TBC1D22A: variants seen among roughly 807,000 people sequenced by gnomAD.
TBC1D22A encodes the protein TBC1 domain family member 22A, also known as putative GTPase activator.
A neutral mutation model predicts 60.2 loss-of-function variants in TBC1D22A; 38 were observed. The ratio of observed to expected loss-of-function variants is 0.63; its 90% CI spans 0.49 to 0.83. The LOEUF is 0.83. TBC1D22A is among the 40% of genes least tolerant of loss of function. The pLI is 0.00. For missense variants in TBC1D22A, 628 were observed against 701.0 expected (o/e 0.90, Z 1.18); for synonymous variants, 302 against 281.7 (o/e 1.07, Z -0.72).
intron 11 of TBC1D22A, among the ~76,000 whole-genome samples, chr22:47,108,757 T>G (rs568997673): frequency 7.4e-4 from 112 of 152,312 alleles, no homozygotes; most frequent in African/African-American, 2.6e-3. Context: ...GTGCAGTGGC[T>G]CGATCTCGGC....
intron 4 of TBC1D22A, among the ~76,000 whole-genome samples, chr22:46,825,986 C>T (rs1156893711): frequency 6.6e-6 from 1 of 150,842 alleles, no homozygotes; most frequent in Non-Finnish European, 1.5e-5. Context: ...GGGTTCACGC[C>T]ATTCTCCTGC....
intron 9 of TBC1D22A, among the ~76,000 whole-genome samples, chr22:46,976,218 A>G (rs1042015494): frequency 6.6e-6 from 1 of 152,038 alleles, no homozygotes; most frequent in Non-Finnish European, 1.5e-5. Context: ...TGGCTTTTTC[A>G]TTTTTCACCT....
At chr22:46,898,546 C>A (rs1447677931) in intron 7 of TBC1D22A, among the ~76,000 whole-genome samples, 2 of 151,240 alleles carry the variant, frequency 1.3e-5, no homozygotes, top group African/African-American at 4.9e-5. Flanking sequence ...TTTTTTTTAA[C>A]CTAAAACGAC....
chr22:47,099,887 T>C (rs1216649482), intron 11 of TBC1D22A, among the ~76,000 whole-genome samples: 1 of 152,012 alleles, frequency 6.6e-6, no homozygotes, highest in African/African-American at 2.4e-5. Flanking sequence ...TAGAGAGAGG[T>C]GCAACGTGCT....
At chr22:47,027,801 C>G (rs1191548186) in intron 10 of TBC1D22A, among the ~76,000 whole-genome samples, 1 of 152,152 alleles carries the variant, frequency 6.6e-6, no homozygotes, top group African/African-American at 2.4e-5. Context: ...AATAAAAAGA[C>G]AAGCTAAAGA....
At chr22:47,044,842 A>G (rs1280494766) in intron 11 of TBC1D22A, among the ~76,000 whole-genome samples, 1 of 152,170 alleles carries the variant, frequency 6.6e-6, no homozygotes, top group Non-Finnish European at 1.5e-5. Flanking sequence ...GTCCTTAGCG[A>G]CTTTAAGCTT....
At chr22:47,002,855 C>T (rs2061444721) in intron 10 of TBC1D22A, among the ~76,000 whole-genome samples, 1 of 152,150 alleles carries the variant, frequency 6.6e-6, no homozygotes, top group Non-Finnish European at 1.5e-5. Flanking sequence ...CTGGCAAAAC[C>T]TGATAGTTGC....
chr22:47,110,837 G>A (rs184104400), intron 11 of TBC1D22A, among the ~76,000 whole-genome samples: 115 of 152,336 alleles, frequency 7.5e-4, no homozygotes, highest in African/African-American at 2.7e-3. Flanking sequence ...CCCGAGCCTC[G>A]GTGTGGGAGG....
chr22:47,142,042 C>T (rs2067105316), intron 12 of TBC1D22A, among the ~76,000 whole-genome samples: 1 of 152,138 alleles, frequency 6.6e-6, no homozygotes, highest in African/African-American at 2.4e-5. Context: ...AGAATTCTTC[C>T]CACATCTGCC....
intron 12 of TBC1D22A, among the ~76,000 whole-genome samples, chr22:47,114,274 C>T (rs12158842): frequency 6.7e-6 from 1 of 150,310 alleles, no homozygotes; most frequent in African/African-American, 2.5e-5. Context: ...GTGTGGGGTG[C>T]AGGGTGTGGG....
At chr22:47,158,252 G>A (rs909270748) in intron 12 of TBC1D22A, among the ~76,000 whole-genome samples, 1 of 152,212 alleles carries the variant, frequency 6.6e-6, no homozygotes, top group Non-Finnish European at 1.5e-5. Context: ...AGCAGGATCA[G>A]CTCTACGTGA....
chr22:47,069,593 C>T (rs1211404749), intron 11 of TBC1D22A, among the ~76,000 whole-genome samples: 6 of 151,956 alleles, frequency 3.9e-5, no homozygotes, highest in Admixed American at 2.0e-4. Context: ...GCTGACCTGA[C>T]GGTTCCAGGC....
chr22:47,051,657 C>G (rs1044706959), intron 11 of TBC1D22A, among the ~76,000 whole-genome samples: 1 of 152,204 alleles, frequency 6.6e-6, no homozygotes, highest in Non-Finnish European at 1.5e-5. Flanking sequence ...GGAGGAGACC[C>G]TCTGTGGCAG....
In TBC1D22A at chr22:47,062,087, C is replaced by CAAAAAAAAAA. The variant is rs908701365; in HGVS notation, c.1329+24901_1329+24910dup. ...TGGGCGACAGAGCAAGACTCCATCT[C>CAAAAAAAAAA]AAAAAAAAAAAAAAAAAAAAAGACA... On this transcript the variant is annotated intron_variant, in intron 11 of 12. Coordinates refer to ENST00000337137, the MANE Select transcript of TBC1D22A (RefSeq NM_014346.5). Among the ~76,000 whole-genome samples, 141 of 62,942 alleles carry CAAAAAAAAAA rather than the reference C, an allele frequency of 2.2e-3. 7 individuals carry two copies. The highest frequency in any genetic ancestry group is 6.9e-3 in the African/African-American group (95 of 13,786). 41.3% of individuals were successfully genotyped at this position (62,942 alleles called of 152,430 possible).
intron 8 of TBC1D22A, among the ~76,000 whole-genome samples, chr22:46,920,057 T>TGTATGTATGTA (rs1555949341): frequency 0.02 from 1,160 of 59,218 alleles, 19 homozygotes; most frequent in African/African-American, 0.042. Context: ...ATGTGTTTGT[T>TGTATGTATGTA]TGTATGTATG....
intron 12 of TBC1D22A, among the ~76,000 whole-genome samples, chr22:47,168,945 A>AGCATTGGGAGCCTCGTCTGCTCTTCG (rs1320670378): frequency 2.1e-4 from 32 of 152,328 alleles, no homozygotes; most frequent in African/African-American, 4.8e-4. Context: ...CGGGAGCCTC[A>AGCATTGGGAGCCTCGTCTGCTCTTCG]GCATTGGGAG....
At chr22:46,836,601 C>T (rs2147186730) in intron 4 of TBC1D22A, among the ~76,000 whole-genome samples, 1 of 151,554 alleles carries the variant, frequency 6.6e-6, no homozygotes, top group South Asian at 2.1e-4. Context: ...TGCAAAACAA[C>T]AACCTGGCCA....
At chr22:46,762,957 A>G in intron 1 of TBC1D22A, 109 bp downstream of exon 1, 1 of 1,011,746 alleles carries the variant, frequency 9.9e-7, no homozygotes, top group Non-Finnish European at 1.4e-6. Context: ...GGCAACTTGG[A>G]CTCTGAGGAG....
Position 46,935,856 on chromosome 22 carries a change from C to G in TBC1D22A, c.1015+23668C>G, listed in dbSNP as rs187890612. ...CTGGCCCCTCCTCTGAACTCTGACC[C>G]CGTGTCTCTGTAGCCTTTGCTGTCG... On this transcript the variant is annotated intron_variant, in intron 8 of 12. Transcript: ENST00000337137. Among the ~76,000 whole-genome samples the G allele has an allele frequency of 8.5e-4, 129 of 152,222 alleles. 1 individual carries two copies. The East Asian group carries it at 0.016, about 19-fold the overall frequency.
Sources: allele counts gnomAD v4.1 joint callset (sites outside exome capture counted in the v4.1 genomes callset), GRCh38; gene constraint gnomAD v4.1.1; transcripts MANE v1.5; gene names NCBI Gene and HGNC (gene_info 2026-07-23, HGNC 2026-07-21).